The following SPECC1 variants were observed in gnomAD, a reference collection of about 807,000 sequenced individuals.
SPECC1 encodes sperm antigen with calponin homology and coiled-coil domains 1, also known as cytospin-B.
A neutral mutation model predicts 104.1 loss-of-function variants in SPECC1; 62 were observed. The ratio of observed to expected loss-of-function variants is 0.60; its 90% CI spans 0.49 to 0.74. SPECC1 has a LOEUF of 0.74. Ranked by LOEUF, SPECC1 falls within the 30% of genes least tolerant of loss-of-function variation. SPECC1 has a pLI of 0.00. For synonymous variants in SPECC1, 513 were observed against 501.6 expected (o/e 1.02, Z -0.30); for missense variants, 1,306 against 1,310.5 (o/e 1.00, Z 0.05).
At chr17:20,224,066 A>T (rs144370975) in intron 4 of SPECC1, among the ~76,000 whole-genome samples, 7 of 152,334 alleles carry the variant, frequency 4.6e-5, no homozygotes, top group African/African-American at 1.7e-4. Context: ...GGGGCACCAC[A>T]AGCCCAGTAA....
intron 1 of SPECC1, among the ~76,000 whole-genome samples, chr17:20,040,085 T>C (rs2045260528): frequency 2.0e-5 from 3 of 152,162 alleles, no homozygotes. Context: ...TTTCAATTTA[T>C]CTAAATTGTT....
At chr17:20,149,026 G>T (rs1471904912) in intron 3 of SPECC1, among the ~76,000 whole-genome samples, 1 of 145,632 alleles carries the variant, frequency 6.9e-6, no homozygotes, top group Admixed American at 6.8e-5. Flanking sequence ...CTCGCCCAGC[G>T]GATTACATTC....
intron 12 of SPECC1, among the ~76,000 whole-genome samples, chr17:20,286,845 G>A (rs1215095229): frequency 2.0e-5 from 3 of 152,202 alleles, no homozygotes; most frequent in Admixed American, 1.3e-4. Context: ...CAGCCCCCAA[G>A]AGACTGGTGA....
chr17:20,110,436 G>GCCAGCAGTGAGGA lies in SPECC1; in HGVS notation c.159_171dup (p.Thr58GlnfsTer3). ...CTTCCAACTCTCTCAGCTCAAGAGG[G>GCCAGCAGTGAGGA]CCAGCAGTGAGGACACGCTCAACAA... On this transcript the variant is annotated frameshift_variant, in exon 3 of 15. Coordinates refer to ENST00000395527, the MANE Select transcript of SPECC1 (RefSeq NM_001243439.2). LOFTEE classifies it high-confidence loss of function. 6.2e-7 allele frequency: 1 copy of GCCAGCAGTGAGGA among 1,612,936 alleles called. No individual in the cohort carries two copies. The highest frequency in any genetic ancestry group is 1.1e-5 in the South Asian group (1 of 90,954).
intron 3 of SPECC1, among the ~76,000 whole-genome samples, chr17:20,174,832 C>T (rs141491487): frequency 1.8e-4 from 28 of 152,228 alleles, no homozygotes; most frequent in East Asian, 1.2e-3. Flanking sequence ...CATTTTCTTC[C>T]GCTCCTTGCC....
At chr17:20,223,107 C>G (rs1239593433) in intron 4 of SPECC1, among the ~76,000 whole-genome samples, 2 of 151,736 alleles carry the variant, frequency 1.3e-5, no homozygotes, top group African/African-American at 2.4e-5. Flanking sequence ...TGTTGTTATC[C>G]CTTTGAATAA....
At chr17:20,222,784 A>G (rs1278996910) in intron 4 of SPECC1, among the ~76,000 whole-genome samples, 1 of 151,974 alleles carries the variant, frequency 6.6e-6, no homozygotes, top group Non-Finnish European at 1.5e-5. Context: ...TCCCATTTGC[A>G]TTTCTTGTCT....
intron 3 of SPECC1, among the ~76,000 whole-genome samples, chr17:20,131,979 T>C (rs1301494617): frequency 6.6e-6 from 1 of 152,200 alleles, no homozygotes; most frequent in African/African-American, 2.4e-5. Context: ...CCATTAATTA[T>C]GTAATGTTAG....
intron 7 of SPECC1, among the ~76,000 whole-genome samples, chr17:20,234,300 G>A (rs1018625508): frequency 6.6e-6 from 1 of 152,202 alleles, no homozygotes; most frequent in African/African-American, 2.4e-5. Context: ...AACATGTCAT[G>A]GTACTGAAAT....
chr17:20,109,972 C>T (rs2152522379), intron 2 of SPECC1, among the ~76,000 whole-genome samples: 1 of 152,252 alleles, frequency 6.6e-6, no homozygotes, highest in Non-Finnish European at 1.5e-5. Context: ...AATCCTCTCA[C>T]CTCAGCCTCC....
intron 7 of SPECC1, 142 bp from the exon 8 acceptor site, chr17:20,245,784 T>C: frequency 1.0e-6 from 1 of 960,240 alleles, no homozygotes; most frequent in East Asian, 2.6e-5. Flanking sequence ...TGCAAACTGG[T>C]AGAGAAAACA....
intron 1 of SPECC1, among the ~76,000 whole-genome samples, chr17:20,040,182 CAT>C (rs912491794): frequency 6.6e-5 from 10 of 151,968 alleles, no homozygotes; most frequent in Admixed American, 2.0e-4. Flanking sequence ...CATATACACA[CAT>C]ATATTTATAT....
At chr17:20,219,381 G>T (rs1393929128) in intron 4 of SPECC1, among the ~76,000 whole-genome samples, 1 of 152,048 alleles carries the variant, frequency 6.6e-6, no homozygotes, top group East Asian at 1.9e-4. Context: ...GGGTGAGATG[G>T]TATCTCATTG....
chr17:20,137,613 T>C lies in SPECC1; in HGVS notation c.283+27051T>C, dbSNP rs555094704. On this transcript the variant is annotated intron_variant, in intron 3 of 14. Transcript: ENST00000395527. ...TCTTTTAAGATTCTTCAAGTTTTGC[T>C]TTCTTTTTTTATTTCCTTTAAAAGG... Among the ~76,000 whole-genome samples the C allele has an allele frequency of 3.3e-5, 5 of 152,334 alleles. No individual in the cohort carries two copies. In the East Asian group the frequency reaches 9.6e-4, roughly 29 times the overall value.
intron 3 of SPECC1, among the ~76,000 whole-genome samples, chr17:20,118,115 T>TAATAAATAAATAAATA (rs143553678): frequency 6.6e-6 from 1 of 150,764 alleles, no homozygotes; most frequent in East Asian, 1.9e-4. Context: ...AATAAATAAA[T>TAATAAATAAATAAATA]AATAAATAAA....
intron 1 of SPECC1, among the ~76,000 whole-genome samples, chr17:20,081,200 A>T (rs182952900): frequency 1.8e-3 from 276 of 152,116 alleles, no homozygotes; most frequent in Non-Finnish European, 3.0e-3. Context: ...GCCATTTGAT[A>T]GTTCCCTACA....
chr17:20,263,531 A>G (rs528738812), intron 12 of SPECC1, among the ~76,000 whole-genome samples: 10 of 152,132 alleles, frequency 6.6e-5, no homozygotes, highest in African/African-American at 2.2e-4. Flanking sequence ...AAATATATTA[A>G]AAGAAAATAA....
intron 4 of SPECC1, among the ~76,000 whole-genome samples, chr17:20,216,075 A>T (rs2037470932): frequency 6.6e-6 from 1 of 152,202 alleles, no homozygotes; most frequent in Non-Finnish European, 1.5e-5. Context: ...AGATTAACAT[A>T]TGAAGAGAGG....
intron 3 of SPECC1, among the ~76,000 whole-genome samples, chr17:20,180,399 T>C (rs960904417): frequency 2.6e-5 from 4 of 152,234 alleles, no homozygotes; most frequent in East Asian, 1.9e-4. Context: ...TAAGAGGTAC[T>C]ATATATTGGT....
Sources: gnomAD v4.1 joint callset for allele counts (sites outside exome capture counted in the v4.1 genomes callset) on GRCh38, gnomAD v4.1.1 for gene constraint, MANE v1.5 for transcripts, NCBI Gene and HGNC (gene_info 2026-07-23, HGNC 2026-07-21) for gene names.